The following NALF1 variants were observed in gnomAD, a reference collection of about 807,000 sequenced individuals.
The protein encoded by NALF1 is NALCN channel auxiliary factor 1.
Under a neutral mutation model 48.4 loss-of-function variants are expected in NALF1, and 3 were observed. That is an observed-to-expected ratio of 0.06 (90% CI 0.03 to 0.16). NALF1 has a LOEUF of 0.16. NALF1 is among the 10% of genes least tolerant of loss of function. The pLI is 1.00. For synonymous variants in NALF1, 262 were observed against 245.7 expected (o/e 1.07, Z -0.62); for missense variants, 526 against 571.5 (o/e 0.92, Z 0.81).
chr13:107,669,112 T>A (rs1233021914), intron 1 of NALF1, among the ~76,000 whole-genome samples: 2 of 152,106 alleles, frequency 1.3e-5, no homozygotes, highest in African/African-American at 4.8e-5. Flanking sequence ...ATCAACATTT[T>A]GCTGATAATC....
rs1439221095 is a variant in NALF1, at chr13:107,865,999, C to T, written c.598G>A (p.Ala200Thr). ...CTCACCTCCTGCCCGTCCCCCCCGGCCGCCCCCCGACTCCAGTTCCTGGCG... is the reference window on the plus strand; with the variant it reads ...CTCACCTCCTGCCCGTCCCCCCCGGTCGCCCCCCGACTCCAGTTCCTGGCG... ...VCARNWSRGA[A>T]GGDGQEVRSK... Residue 200 changes from alanine to threonine, a missense_variant, in exon 1 of 3, where the codon GCC becomes ACC. By Grantham distance (58) the Ala-to-Thr change is moderately conservative (BLOSUM62 0). This residue lies in a region of NALF1 where 373 missense variants were observed against 355.5 expected (regional missense o/e 1.05). Transcript: ENST00000375915. 1.1e-5 allele frequency: 17 copies of T among 1,611,882 alleles called. No individual in the cohort carries two copies. The highest frequency in any genetic ancestry group is 1.4e-5 in the Non-Finnish European group (17 of 1,179,872).
chr13:107,547,744 C>T (rs559493858), intron 1 of NALF1, among the ~76,000 whole-genome samples: 87 of 152,190 alleles, frequency 5.7e-4, no homozygotes, highest in African/African-American at 1.9e-3. Flanking sequence ...CAGGACAACA[C>T]GGCATTTAAC....
At chr13:107,839,573 A>C (rs1367224913) in intron 1 of NALF1, among the ~76,000 whole-genome samples, 11 of 151,754 alleles carry the variant, frequency 7.2e-5, no homozygotes, top group Non-Finnish European at 1.6e-4. Context: ...CCTGTGAGGA[A>C]ATTAAAGGAG....
chr13:107,695,622 G>C (rs1159381034), intron 1 of NALF1, among the ~76,000 whole-genome samples: 1 of 152,092 alleles, frequency 6.6e-6, no homozygotes, highest in Non-Finnish European at 1.5e-5. Context: ...GGGGCTTTTG[G>C]AGAATAAAAT....
chr13:107,468,446 C>A (rs1566355019), intron 1 of NALF1, among the ~76,000 whole-genome samples: 1 of 152,162 alleles, frequency 6.6e-6, no homozygotes, highest in Non-Finnish European at 1.5e-5. Flanking sequence ...GGCTGACCAC[C>A]CACTGCTGTC....
chr13:107,415,890 T>C (rs556365538), intron 1 of NALF1, among the ~76,000 whole-genome samples: 3 of 152,336 alleles, frequency 2.0e-5, no homozygotes, highest in East Asian at 1.9e-4. Flanking sequence ...TGAGTTTATA[T>C]CCGACATGTA....
intron 1 of NALF1, among the ~76,000 whole-genome samples, chr13:107,411,767 TG>T (rs945737411): frequency 2.0e-5 from 3 of 152,198 alleles, no homozygotes; most frequent in African/African-American, 4.8e-5. Flanking sequence ...AAGTGGGGTC[TG>T]GATCGACTTC....
At chr13:107,785,897 G>A (rs769368364) in intron 1 of NALF1, among the ~76,000 whole-genome samples, 1 of 152,140 alleles carries the variant, frequency 6.6e-6, no homozygotes, top group Non-Finnish European at 1.5e-5. Context: ...GGGACAATGT[G>A]AGGAGGTTTT....
intron 1 of NALF1, among the ~76,000 whole-genome samples, chr13:107,693,330 G>GT (rs1437831962): frequency 1.5e-5 from 1 of 67,198 alleles, no homozygotes; most frequent in Middle Eastern, 6.7e-3. Flanking sequence ...TCGTAGGGTA[G>GT]GGGGGGCGGG....
intron 1 of NALF1, among the ~76,000 whole-genome samples, chr13:107,708,630 C>T (rs1348764891): frequency 3.9e-5 from 6 of 152,110 alleles, no homozygotes; most frequent in Admixed American, 3.9e-4. Context: ...ACAGAGTTTA[C>T]AAATATGCTA....
At chr13:107,828,901 G>T (rs574575646) in intron 1 of NALF1, among the ~76,000 whole-genome samples, 149 of 152,096 alleles carry the variant, frequency 9.8e-4, no homozygotes, top group Middle Eastern at 3.4e-3. Context: ...CACCATTTTG[G>T]TTATACATGA....
chr13:107,225,847 G>A (rs75014078), intron 1 of NALF1, among the ~76,000 whole-genome samples: 3,434 of 151,984 alleles, frequency 0.023, 81 homozygotes, highest in South Asian at 0.08. Context: ...ACACGCATGC[G>A]CACAGACGCA....
At chr13:107,533,753 T>G (rs533133770) in intron 1 of NALF1, among the ~76,000 whole-genome samples, 1 of 152,168 alleles carries the variant, frequency 6.6e-6, no homozygotes, top group African/African-American at 2.4e-5. Context: ...CCCAAATCTG[T>G]CTTTTGTTGA....
intron 1 of NALF1, among the ~76,000 whole-genome samples, chr13:107,228,239 T>C (rs904243866): frequency 6.6e-6 from 1 of 152,228 alleles, no homozygotes; most frequent in African/African-American, 2.4e-5. Context: ...GTTCCTGTCA[T>C]TCTACTGACA....
intron 1 of NALF1, among the ~76,000 whole-genome samples, chr13:107,313,759 A>C (rs1230151466): frequency 6.6e-6 from 1 of 152,166 alleles, no homozygotes; most frequent in East Asian, 1.9e-4. Context: ...TATTTAGTGA[A>C]AGGCAGATCA....
chr13:107,450,072 T>C (rs930119981), intron 1 of NALF1, among the ~76,000 whole-genome samples: 3 of 152,156 alleles, frequency 2.0e-5, no homozygotes, highest in Non-Finnish European at 4.4e-5. Flanking sequence ...ACATAAATCA[T>C]GGCAGGCCTT....
At chr13:107,667,210 C>T (rs149062061) in intron 1 of NALF1, among the ~76,000 whole-genome samples, 3 of 151,906 alleles carry the variant, frequency 2.0e-5, no homozygotes, top group Non-Finnish European at 4.4e-5. Flanking sequence ...TATGTAATTA[C>T]CATAAACGAC....
chr13:107,829,660 C>T (rs1318472331), intron 1 of NALF1, among the ~76,000 whole-genome samples: 3 of 151,962 alleles, frequency 2.0e-5, no homozygotes, highest in Non-Finnish European at 4.4e-5. Context: ...ATTGTTGCTT[C>T]AGAACAATTT....
intron 1 of NALF1, among the ~76,000 whole-genome samples, chr13:107,221,332 C>A (rs1879988387): frequency 6.6e-6 from 1 of 152,174 alleles, no homozygotes; most frequent in South Asian, 2.1e-4. Flanking sequence ...AAGCCTAGTA[C>A]TTTGGGAGGC....
Sources: allele counts gnomAD v4.1 joint callset (sites outside exome capture counted in the v4.1 genomes callset), GRCh38; gene constraint gnomAD v4.1.1; regional missense constraint gnomAD v4.1.1; transcripts MANE v1.5; gene names NCBI Gene and HGNC (gene_info 2026-07-23, HGNC 2026-07-21).